The following A4GALT variants were observed in gnomAD, a reference collection of about 807,000 sequenced individuals.
A4GALT encodes the protein lactosylceramide 4-alpha-galactosyltransferase.
For missense variants in A4GALT, 512 were observed against 486.0 expected, an observed-to-expected ratio of 1.05 and a Z score of -0.50; for synonymous variants, 257 against 220.7, an observed-to-expected ratio of 1.16 and a Z score of -1.46.
At chr22:42,700,739 C>G (rs1931244012) in intron 1 of A4GALT, among the ~76,000 whole-genome samples, 1 of 152,230 alleles carries the variant, frequency 6.6e-6, no homozygotes, top group South Asian at 2.1e-4. Flanking sequence ...ATGGGATTAA[C>G]TCCACTTTGG....
rs1433473138 is a variant in A4GALT, at chr22:42,692,316, G to A, written c.*574C>T. On this transcript the variant is annotated 3_prime_UTR_variant, in exon 3 of 3. Coordinates refer to ENST00000642412, the MANE Select transcript of A4GALT (RefSeq NM_017436.7). The surrounding 1 kb of genome is among the most constrained non-coding windows in gnomAD (Gnocchi z 4.6). ...AAGAAGGATGGGGTGGGCAGAAGGG[G>A]CTGCCCCCAAACGGCTCCCCAGGCT... 1.1e-5 allele frequency: 3 copies of A among 265,858 alleles called. No individual in the cohort carries two copies. Among genetic ancestry groups the A allele is most frequent in the African/African-American group, 6.7e-5 (3 of 45,002 alleles). The allele number at this position is 265,858 out of a possible 1,614,324, so 16.5% of individuals were successfully genotyped here.
rs1053026 is a variant in A4GALT, at chr22:42,692,255, C to T, written c.*635G>A. 0.35 allele frequency: 76,367 copies of T among 216,184 alleles called. 14,327 individuals carry two copies. Among genetic ancestry groups the T allele is most frequent in the African/African-American group, 0.48 (20,738 of 43,518 alleles). 13.4% of individuals were successfully genotyped at this position (216,184 alleles called of 1,614,324 possible). Reference sequence around the variant, plus strand: ...CCCAGCCCCTGTCTGAGGGAAGGGGCAGAGCATACACGCCCCCCTGGCATC... The same window carrying T: ...CCCAGCCCCTGTCTGAGGGAAGGGGTAGAGCATACACGCCCCCCTGGCATC... On this transcript the variant is annotated 3_prime_UTR_variant, in exon 3 of 3. Transcript: ENST00000642412. This position sits in a 1 kb window ranked among gnomAD's most constrained non-coding sequence, Gnocchi z 4.6.
chr22:42,717,462 G>C (rs1922291965), intron 1 of A4GALT, among the ~76,000 whole-genome samples: 2 of 152,116 alleles, frequency 1.3e-5, no homozygotes, highest in African/African-American at 4.8e-5. Context: ...GAAGATCAAA[G>C]CCAATTCATC....
At chr22:42,698,246 C>A (rs1430014443) in intron 1 of A4GALT, among the ~76,000 whole-genome samples, 43 of 136,056 alleles carry the variant, frequency 3.2e-4, no homozygotes, top group Admixed American at 7.3e-4. Flanking sequence ...GACTCCGTCT[C>A]AAAAAAAAAA....
intron 1 of A4GALT, among the ~76,000 whole-genome samples, chr22:42,717,202 C>T (rs1342381777): frequency 6.6e-6 from 1 of 152,194 alleles, no homozygotes; most frequent in African/African-American, 2.4e-5. Context: ...GGAAAAGGCA[C>T]TTATTCAAAG....
intron 1 of A4GALT, among the ~76,000 whole-genome samples, chr22:42,705,697 A>G (rs1174550573): frequency 7.9e-6 from 1 of 126,052 alleles, no homozygotes; most frequent in African/African-American, 2.6e-5. Context: ...TTTAAAAATA[A>G]AAACACTTTA....
At chr22:42,698,830 A>C (rs1443150574) in intron 1 of A4GALT, among the ~76,000 whole-genome samples, 1 of 152,210 alleles carries the variant, frequency 6.6e-6, no homozygotes, top group African/African-American at 2.4e-5. Context: ...AACAGGTTGC[A>C]GTAGAGAAGC....
intron 1 of A4GALT, among the ~76,000 whole-genome samples, chr22:42,706,879 A>G (rs1025054962): frequency 1.3e-5 from 2 of 152,174 alleles, no homozygotes; most frequent in African/African-American, 4.8e-5. Flanking sequence ...TTAATATAAA[A>G]TGATGCAAAA....
In A4GALT at chr22:42,692,721, G is replaced by A. The variant is rs774248929; in HGVS notation, c.*169C>T. ...TGCCTCGAGACAGGACACTGTCCTC[G>A]GGGTGTCCACAGCCTCCCACTGGGC... On this transcript the variant is annotated 3_prime_UTR_variant, in exon 3 of 3. Transcript: ENST00000642412. The surrounding 1 kb of genome is among the most constrained non-coding windows in gnomAD (Gnocchi z 4.6). 5.1e-6 allele frequency: 4 copies of A among 791,496 alleles called. No individual in the cohort carries two copies. The highest frequency in any genetic ancestry group is 2.7e-5 in the East Asian group (1 of 37,484). The allele number at this position is 791,496 out of a possible 1,614,324, so 49.0% of individuals were successfully genotyped here.
rs1380437362 is a variant in A4GALT at position 42,694,743 on chromosome 22, G to A, written c.-46-746C>T. On this transcript the variant is annotated intron_variant, in intron 2 of 2. Coordinates refer to ENST00000642412, the MANE Select transcript of A4GALT (RefSeq NM_017436.7). ...CTGCCTGAACCGGCTGTGTGACCTG[G>A]GGCAAGTTACGGAGCTCTCTGAGCC... The A allele has an allele frequency of 2.0e-5, 3 of 152,318 alleles. No individual in the cohort carries two copies. The South Asian group carries it at 6.2e-4, about 32-fold the overall frequency. The allele number at this position is 152,318 out of a possible 1,614,324, so 9.4% of individuals were successfully genotyped here.
At chr22:42,705,230 T>G (rs1015482399) in intron 1 of A4GALT, among the ~76,000 whole-genome samples, 1 of 151,986 alleles carries the variant, frequency 6.6e-6, no homozygotes, top group Non-Finnish European at 1.5e-5. Flanking sequence ...GGAAAAAAAT[T>G]TAAAGGCATA....
In A4GALT at chr22:42,693,604, C is replaced by T. The variant is rs751330072; in HGVS notation, c.348G>A (p.Gly116=). 1.2e-6 allele frequency: 2 copies of T among 1,613,578 alleles called. No individual in the cohort carries two copies. The highest frequency in any genetic ancestry group is 1.7e-6 in the Non-Finnish European group (2 of 1,180,028). The change falls in exon 3 of 3, where the codon GGG becomes GGA. Residue 116 remains glycine, a synonymous_variant. Coordinates refer to ENST00000642412, the MANE Select transcript of A4GALT (RefSeq NM_017436.7). ...PESHVLVLMK[G]LPGGNASLPR... ...GCAGAGAGGCGTTGCCACCCGGAAG[C>T]CCTTTCATCAGGACCAGCACGTGGG...
chr22:42,713,139 AG>A, intron 1 of A4GALT, among the ~76,000 whole-genome samples: 1 of 152,296 alleles, frequency 6.6e-6, no homozygotes, highest in Middle Eastern at 3.4e-3. Flanking sequence ...GGACCCTTCT[AG>A]AAAGGCCTTC....
At chr22:42,720,405 G>C (rs1200715899) in intron 1 of A4GALT, among the ~76,000 whole-genome samples, 1 of 152,136 alleles carries the variant, frequency 6.6e-6, no homozygotes, top group Non-Finnish European at 1.5e-5. Context: ...CCCCCGGACG[G>C]AGGAGCGCGA....
chr22:42,698,125 G>GA (rs1931062179), intron 1 of A4GALT, among the ~76,000 whole-genome samples: 1 of 152,156 alleles, frequency 6.6e-6, no homozygotes, highest in South Asian at 2.1e-4. Flanking sequence ...GTGCACGCCT[G>GA]TAGTCTCAGC....
chr22:42,720,327 C>T (rs1360612846), intron 1 of A4GALT, among the ~76,000 whole-genome samples: 1 of 152,238 alleles, frequency 6.6e-6, no homozygotes, highest in Non-Finnish European at 1.5e-5. Flanking sequence ...CCCCTCCTGC[C>T]GGCCGCTCTC....
chr22:42,716,551 C>T (rs557298436), intron 1 of A4GALT, among the ~76,000 whole-genome samples: 1 of 152,266 alleles, frequency 6.6e-6, no homozygotes, highest in South Asian at 2.1e-4. Flanking sequence ...TAGAGGAAAC[C>T]AAGGCCTGCT....
upstream of A4GALT, chr22:42,720,886 G>A (rs2147063531): frequency 7.0e-6 from 1 of 143,430 alleles, no homozygotes; most frequent in African/African-American, 2.5e-5. Context: ...GGGCCCGGCG[G>A]GAGGCAGCAC....
At position 42,693,954 on chromosome 22, in the gene A4GALT, T is replaced by A. The variant is rs1436480960; in HGVS notation, c.-3A>T. 1 of 1,574,422 alleles carries A rather than the reference T, an allele frequency of 6.4e-7. No individual in the cohort carries two copies. The highest frequency in any genetic ancestry group is 2.3e-5 in the East Asian group (1 of 43,172). On this transcript the variant is annotated 5_prime_UTR_variant, in exon 3 of 3. Coordinates refer to ENST00000642412, the MANE Select transcript of A4GALT (RefSeq NM_017436.7). ...AGGAGGTCGGGGGGCTTGGACATGG[T>A]ATCCCCAGATCAGACCAGGAGCTTC...
Sources: allele counts gnomAD v4.1 joint callset (sites outside exome capture counted in the v4.1 genomes callset), GRCh38; gene constraint gnomAD v4.1.1; non-coding constraint Gnocchi (gnomAD v3.1); transcripts MANE v1.5; gene names NCBI Gene and HGNC (gene_info 2026-07-23, HGNC 2026-07-21).